CTNNA3: variants seen among roughly 807,000 people sequenced by gnomAD.
CTNNA3 encodes the protein catenin alpha 3, also known as catenin alpha-3.
Under a neutral mutation model 95.7 loss-of-function variants are expected in CTNNA3, and 76 were observed. The ratio of observed to expected loss-of-function variants is 0.79; its 90% confidence interval spans 0.66 to 0.96. The LOEUF (loss-of-function observed/expected upper bound fraction) is 0.96. CTNNA3 is among the 40% of genes least tolerant of loss of function. The probability of loss-of-function intolerance (pLI) is 0.00; values close to 1 mark genes in which losing one functional copy is unlikely to be tolerated. For synonymous variants in CTNNA3, 431 were observed against 374.4 expected (o/e 1.15, Z -1.74); for missense variants, 1,191 against 1,089.8 (o/e 1.09, Z -1.31).
chr10:66,307,670 C>G (rs1453443272), intron 12 of CTNNA3, among the ~76,000 whole-genome samples: 1 of 152,146 alleles, frequency 6.6e-6, no homozygotes, highest in African/African-American at 2.4e-5. Flanking sequence ...CATTTGCAAA[C>G]TGTGACACTC....
intron 7 of CTNNA3, among the ~76,000 whole-genome samples, chr10:67,129,573 A>G (rs1589771505): frequency 1.3e-5 from 2 of 152,190 alleles, no homozygotes; most frequent in African/African-American, 2.4e-5. Context: ...ATAATGACAC[A>G]TGAATCATTA....
chr10:66,447,457 G>A (rs1274809445), intron 11 of CTNNA3, among the ~76,000 whole-genome samples: 1 of 135,894 alleles, frequency 7.4e-6, no homozygotes, highest in Non-Finnish European at 1.6e-5. Flanking sequence ...AAACAGCATG[G>A]TACTGGTACC....
At chr10:66,535,352 T>C (rs771262061) in intron 10 of CTNNA3, among the ~76,000 whole-genome samples, 1 of 152,194 alleles carries the variant, frequency 6.6e-6, no homozygotes. Context: ...GTGTAAGAGA[T>C]AAATACGGCT....
chr10:66,900,614 A>AG (rs1431273518), intron 7 of CTNNA3, among the ~76,000 whole-genome samples: 1 of 152,108 alleles, frequency 6.6e-6, no homozygotes, highest in Non-Finnish European at 1.5e-5. Flanking sequence ...GGGAAGGATT[A>AG]GAAAAAAAAC....
At position 67,482,759 on chromosome 10, in the gene CTNNA3, G is replaced by T. The variant is rs530135879; in HGVS notation, c.579+39083C>A. On this transcript the variant is annotated intron_variant, in intron 5 of 17. Coordinates refer to ENST00000433211, the MANE Select transcript of CTNNA3 (RefSeq NM_013266.4). ...CTTTATTTCCTTCTCCTGCCTGATT[G>T]CCCTGGCCAGAATTTCCAACACTAT... 2.1e-4 allele frequency among the ~76,000 whole-genome samples: 32 copies of T among 152,104 alleles called. No individual in the cohort carries two copies. In the South Asian group the frequency reaches 6.4e-3, roughly 31 times the overall value.
intron 7 of CTNNA3, among the ~76,000 whole-genome samples, chr10:66,785,607 G>A (rs1183165394): frequency 6.6e-6 from 1 of 152,116 alleles, no homozygotes; most frequent in African/African-American, 2.4e-5. Flanking sequence ...GCCTTGGACT[G>A]GGAGTTACAC....
chr10:67,097,841 T>A, intron 7 of CTNNA3: 1 of 1,560,294 alleles, frequency 6.4e-7, no homozygotes, highest in East Asian at 2.2e-5. Flanking sequence ...CTTTGTAACC[T>A]CAAGGACAAA....
intron 7 of CTNNA3, among the ~76,000 whole-genome samples, chr10:67,134,237 GTAGAC>G (rs1350515660): frequency 1.3e-5 from 2 of 152,002 alleles, no homozygotes; most frequent in East Asian, 3.9e-4. Context: ...GGTGATTCAG[GTAGAC>G]ACAGAAGTCA....
At chr10:67,351,321 CAT>C (rs1842629299) in intron 5 of CTNNA3, among the ~76,000 whole-genome samples, 1 of 151,800 alleles carries the variant, frequency 6.6e-6, no homozygotes, top group African/African-American at 2.4e-5. Flanking sequence ...TTCCAAAACT[CAT>C]AGAAATATAC....
intron 7 of CTNNA3, among the ~76,000 whole-genome samples, chr10:66,822,101 T>A (rs569460643): frequency 9.2e-6 from 1 of 108,754 alleles, no homozygotes; most frequent in African/African-American, 3.6e-5. Context: ...ATATGTAAAA[T>A]TTATGCATAA....
intron 13 of CTNNA3, among the ~76,000 whole-genome samples, chr10:66,271,966 C>T (rs975414860): frequency 6.6e-6 from 1 of 152,160 alleles, no homozygotes; most frequent in Admixed American, 6.6e-5. Flanking sequence ...ATGGGATACA[C>T]AAGAGGAGGG....
intron 7 of CTNNA3, among the ~76,000 whole-genome samples, chr10:67,028,707 TA>T (rs1853539869): frequency 6.6e-6 from 1 of 151,986 alleles, no homozygotes; most frequent in African/African-American, 2.4e-5. Flanking sequence ...GCAAACTATT[TA>T]GAACATTTAA....
intron 3 of CTNNA3, among the ~76,000 whole-genome samples, chr10:67,549,159 G>A (rs1487560532): frequency 2.6e-5 from 4 of 151,682 alleles, no homozygotes; most frequent in Non-Finnish European, 2.9e-5. Flanking sequence ...TACCTGCAGA[G>A]GGGACCAAAA....
intron 3 of CTNNA3, among the ~76,000 whole-genome samples, chr10:67,580,199 A>C (rs1178398507): frequency 6.6e-6 from 1 of 152,196 alleles, no homozygotes; most frequent in African/African-American, 2.4e-5. Flanking sequence ...TCTGACATTT[A>C]AATCTTTAAT....
intron 7 of CTNNA3, among the ~76,000 whole-genome samples, chr10:66,890,173 C>A (rs988540800): frequency 6.6e-6 from 1 of 152,096 alleles, no homozygotes; most frequent in African/African-American, 2.4e-5. Flanking sequence ...TTAGACATCT[C>A]AGTGGAGATG....
At chr10:65,920,698 T>C (rs575018231) in intron 17 of CTNNA3, 81 bp from the exon 18 acceptor site, 4 of 1,447,560 alleles carry the variant, frequency 2.8e-6, no homozygotes, top group South Asian at 2.6e-5. Flanking sequence ...TGGTGGCATG[T>C]GCCCGTTGCC....
intron 10 of CTNNA3, among the ~76,000 whole-genome samples, chr10:66,522,332 A>G (rs987299878): frequency 4.6e-5 from 7 of 152,008 alleles, no homozygotes; most frequent in Non-Finnish European, 1.0e-4. Context: ...TGCCTTTCAT[A>G]GGGGTTTGAT....
intron 5 of CTNNA3, among the ~76,000 whole-genome samples, chr10:67,260,753 C>T (rs1191056824): frequency 1.3e-5 from 2 of 151,828 alleles, no homozygotes; most frequent in African/African-American, 4.8e-5. Context: ...GGCTCAATCT[C>T]GGCTCACTGC....
Position 66,135,942 on chromosome 10 carries a change from C to T in CTNNA3, c.1885-32693G>A, listed in dbSNP as rs557366008. Reference sequence around the variant, plus strand: ...TTTGAGATGGAGTCTTGCTCTGTCGCGCAGGCTGGAGTGCAGTGGTGCGAT... The same window carrying T: ...TTTGAGATGGAGTCTTGCTCTGTCGTGCAGGCTGGAGTGCAGTGGTGCGAT... On this transcript the variant is annotated intron_variant, in intron 13 of 17. Transcript: ENST00000433211. Among the ~76,000 whole-genome samples the T allele has an allele frequency of 1.9e-4, 29 of 150,450 alleles. No individual in the cohort carries two copies. The South Asian group carries it at 5.7e-3, about 29-fold the overall frequency.
Sources: gnomAD v4.1 joint callset for allele counts (sites outside exome capture counted in the v4.1 genomes callset) on GRCh38, gnomAD v4.1.1 for gene constraint, MANE v1.5 for transcripts, NCBI Gene and HGNC (gene_info 2026-07-23, HGNC 2026-07-21) for gene names.